Variants in PDE1C observed in about 807,000 individuals in gnomAD.
PDE1C encodes the protein phosphodiesterase 1C, also known as dual specificity calcium/calmodulin-dependent 3',5'-cyclic nucleotide phosphodiesterase 1C.
Under a neutral mutation model 93.1 loss-of-function variants are expected in PDE1C, and 62 were observed. That is an observed-to-expected ratio of 0.67 (90% confidence interval 0.54 to 0.82). PDE1C has a LOEUF of 0.82. Ranked by LOEUF, PDE1C falls within the 40% of genes least tolerant of loss-of-function variation. The probability of loss-of-function intolerance (pLI) is 0.00; values close to 1 mark genes in which losing one functional copy is unlikely to be tolerated. For synonymous variants in PDE1C, 325 were observed against 310.1 expected, an observed-to-expected ratio of 1.05 and a Z score of -0.50; for missense variants, 742 against 884.6, an observed-to-expected ratio of 0.84 and a Z score of 2.04.
chr7:31,736,176 T>C, the PDE1C span, among the ~76,000 whole-genome samples: 3 of 152,122 alleles, frequency 2.0e-5, no homozygotes, highest in Non-Finnish European at 4.4e-5. Flanking sequence ...GCCAAGCACA[T>C]GCAAAGACGC....
At chr7:32,101,889 G>A (rs991201669) in intron 3 of PDE1C, among the ~76,000 whole-genome samples, 3 of 152,104 alleles carry the variant, frequency 2.0e-5, no homozygotes, top group Non-Finnish European at 4.4e-5. Flanking sequence ...CAATCATGAT[G>A]GAAGGTGAAG....
At chr7:32,311,079 C>G (rs188382706) in intron 1 of PDE1C, among the ~76,000 whole-genome samples, 1 of 151,978 alleles carries the variant, frequency 6.6e-6, no homozygotes, top group East Asian at 1.9e-4. Flanking sequence ...ATATCACCAC[C>G]GATCCCACAG....
chr7:32,388,404 T>A (rs1411693752), intron 1 of PDE1C, among the ~76,000 whole-genome samples: 2 of 151,964 alleles, frequency 1.3e-5, no homozygotes, highest in African/African-American at 4.8e-5. Context: ...CACATGAACA[T>A]GGAAGAACAA....
chr7:32,345,203 A>G (rs1307119582), intron 1 of PDE1C, among the ~76,000 whole-genome samples: 1 of 151,974 alleles, frequency 6.6e-6, no homozygotes, highest in Non-Finnish European at 1.5e-5. Context: ...CTGTCAGGAT[A>G]TGACTCCTGT....
chr7:31,800,012 T>C (rs1341956431), intron 16 of PDE1C, among the ~76,000 whole-genome samples: 1 of 151,764 alleles, frequency 6.6e-6, no homozygotes. Context: ...TGGCTTTTAA[T>C]TTTCACATCC....
chr7:32,192,036 G>A (rs1221581362), intron 2 of PDE1C, among the ~76,000 whole-genome samples: 2 of 151,882 alleles, frequency 1.3e-5, no homozygotes, highest in African/African-American at 4.8e-5. Flanking sequence ...GTCTGTTCAT[G>A]TTCTTTGACC....
the PDE1C span, among the ~76,000 whole-genome samples, chr7:31,721,367 GACACTAACTACC>G: frequency 1.3e-5 from 2 of 152,212 alleles, no homozygotes; most frequent in Non-Finnish European, 2.9e-5. Context: ...CAATACGGTA[GACACTAACTACC>G]ACACTAACTA....
intron 16 of PDE1C, among the ~76,000 whole-genome samples, chr7:31,781,752 G>C (rs2058410): frequency 0.74 from 109,386 of 148,800 alleles, 42,576 homozygotes; most frequent in Non-Finnish European, 0.88. Flanking sequence ...AATTAGAGCT[G>C]CATATTCAGA....
At chr7:32,276,941 AT>A (rs747267553) in intron 1 of PDE1C, among the ~76,000 whole-genome samples, 1 of 152,154 alleles carries the variant, frequency 6.6e-6, no homozygotes, top group Admixed American at 6.5e-5. Context: ...AAAAATCCCT[AT>A]ACCCCATATC....
At chr7:31,685,658 C>T in the PDE1C span, among the ~76,000 whole-genome samples, 2 of 152,174 alleles carry the variant, frequency 1.3e-5, no homozygotes, top group South Asian at 2.1e-4. Context: ...CCATGGCACA[C>T]GTTTACCTAT....
chr7:32,076,964 C>G (rs1563290520), intron 3 of PDE1C, among the ~76,000 whole-genome samples: 1 of 150,220 alleles, frequency 6.7e-6, no homozygotes, highest in Non-Finnish European at 1.5e-5. Flanking sequence ...GGGCCGGGCA[C>G]AGTGGCTCAC....
chr7:31,768,552 A>G (rs1224215089), intron 17 of PDE1C, among the ~76,000 whole-genome samples: 1 of 152,206 alleles, frequency 6.6e-6, no homozygotes, highest in Non-Finnish European at 1.5e-5. Flanking sequence ...AAAAAGTTAC[A>G]AAAATTACGT....
intron 16 of PDE1C, among the ~76,000 whole-genome samples, chr7:31,803,117 C>T (rs966217857): frequency 3.3e-5 from 5 of 151,566 alleles, no homozygotes; most frequent in Non-Finnish European, 7.4e-5. Flanking sequence ...CTATTGCTAT[C>T]GTTTTGCTAC....
the PDE1C span, among the ~76,000 whole-genome samples, chr7:31,691,101 A>G: frequency 6.6e-6 from 1 of 152,164 alleles, no homozygotes; most frequent in Admixed American, 6.5e-5. Context: ...AACACTGAAA[A>G]CAATGGTCTG....
chr7:32,162,097 A>G (rs191220172), intron 3 of PDE1C, among the ~76,000 whole-genome samples: 45 of 152,262 alleles, frequency 3.0e-4, no homozygotes, highest in African/African-American at 8.9e-4. Flanking sequence ...GACAATGAAA[A>G]CAATCATATT....
intron 1 of PDE1C, among the ~76,000 whole-genome samples, chr7:32,257,124 T>G (rs946766660): frequency 1.3e-5 from 2 of 152,148 alleles, no homozygotes; most frequent in African/African-American, 4.8e-5. Context: ...CAACCAAAGT[T>G]TGATGATTAG....
intron 3 of PDE1C, among the ~76,000 whole-genome samples, chr7:32,076,642 CAAAAA>C (rs869181797): frequency 9.9e-5 from 4 of 40,484 alleles, no homozygotes; most frequent in African/African-American, 1.9e-4. Flanking sequence ...GACTCCATCT[CAAAAA>C]AAAAAAAAAA....
chr7:32,228,682 G>C (rs115574752), intron 1 of PDE1C, among the ~76,000 whole-genome samples: 1 of 152,114 alleles, frequency 6.6e-6, no homozygotes, highest in African/African-American at 2.4e-5. Flanking sequence ...AGCCCGACCC[G>C]ATGGGTGATC....
At chr7:32,124,455 A>C (rs558434595) in intron 3 of PDE1C, among the ~76,000 whole-genome samples, 1 of 152,328 alleles carries the variant, frequency 6.6e-6, no homozygotes, top group Admixed American at 6.5e-5. Flanking sequence ...TTCAAACTAT[A>C]CTACAAGGCT....
Sources: allele counts gnomAD v4.1 joint callset (sites outside exome capture counted in the v4.1 genomes callset), GRCh38; gene constraint gnomAD v4.1.1; transcripts MANE v1.5; gene names NCBI Gene and HGNC (gene_info 2026-07-23, HGNC 2026-07-21).